Variants in TENM3 observed in about 807,000 individuals in gnomAD.
The protein encoded by TENM3 is teneurin transmembrane protein 3, also known as teneurin-3.
A neutral mutation model predicts 255.1 loss-of-function variants in TENM3; 63 were observed. The ratio of observed to expected loss-of-function variants is 0.25; its 90% CI spans 0.20 to 0.30. The LOEUF (loss-of-function observed/expected upper bound fraction) is 0.30. Among genes scored for constraint, TENM3 ranks in the 10% least tolerant of loss-of-function variants. TENM3 has a pLI of 1.00. For synonymous variants in TENM3, 1,306 were observed against 1,322.3 expected (o/e 0.99, Z 0.27); for missense variants, 2,929 against 3,461.1 (o/e 0.85, Z 3.86).
At chr4:182,454,249 ATTCT>A (rs531690482) in intron 3 of TENM3, among the ~76,000 whole-genome samples, 68 of 152,176 alleles carry the variant, frequency 4.5e-4, no homozygotes, top group Non-Finnish European at 8.1e-4. Context: ...GCTTTATCAT[ATTCT>A]TTCTTTTCGT....
intron 3 of TENM3, among the ~76,000 whole-genome samples, chr4:182,540,258 A>T (rs953303589): frequency 6.6e-6 from 1 of 152,192 alleles, no homozygotes; most frequent in African/African-American, 2.4e-5. Context: ...TAGAAAAACA[A>T]GAAATTGCTA....
chr4:181,716,149 T>A, the TENM3 span, among the ~76,000 whole-genome samples: 1 of 152,212 alleles, frequency 6.6e-6, no homozygotes, highest in African/African-American at 2.4e-5. Context: ...TATTCCGAAG[T>A]GGTTAAGAGT....
the TENM3 span, among the ~76,000 whole-genome samples, chr4:181,786,711 T>A: frequency 4.6e-5 from 7 of 151,474 alleles, no homozygotes; most frequent in East Asian, 9.7e-4. Context: ...TTTTTTTTTT[T>A]TCCTGGAAAG....
the TENM3 span, among the ~76,000 whole-genome samples, chr4:181,633,922 T>C: frequency 9.9e-4 from 151 of 152,300 alleles, 2 homozygotes; most frequent in Non-Finnish European, 6.3e-4. Context: ...ATTTTTTATT[T>C]AAGGTCATGC....
At chr4:181,743,784 G>C in the TENM3 span, among the ~76,000 whole-genome samples, 1 of 152,096 alleles carries the variant, frequency 6.6e-6, no homozygotes, top group Non-Finnish European at 1.5e-5. Context: ...ACTTTGAGGA[G>C]AGAGATGCCA....
the TENM3 span, among the ~76,000 whole-genome samples, chr4:182,024,473 T>A: frequency 1.4e-4 from 22 of 152,334 alleles, no homozygotes; most frequent in East Asian, 2.1e-3. Context: ...CTGTATTTTT[T>A]AAAAATGATT....
intron 4 of TENM3, among the ~76,000 whole-genome samples, chr4:182,601,873 A>C (rs908137879): frequency 6.6e-6 from 1 of 152,226 alleles, no homozygotes; most frequent in African/African-American, 2.4e-5. Context: ...TTCATACATG[A>C]TGGCCCATGA....
the TENM3 span, among the ~76,000 whole-genome samples, chr4:181,609,099 AG>A: frequency 2.6e-5 from 4 of 152,078 alleles, no homozygotes; most frequent in South Asian, 8.3e-4. Flanking sequence ...AAAGGAAGTA[AG>A]GGGAAAAAAA....
At chr4:181,678,750 T>C in the TENM3 span, among the ~76,000 whole-genome samples, 2 of 151,864 alleles carry the variant, frequency 1.3e-5, no homozygotes, top group Non-Finnish European at 2.9e-5. Context: ...ATTTGCTTAA[T>C]TTTCTTTATA....
At chr4:181,961,544 C>T in the TENM3 span, among the ~76,000 whole-genome samples, 6 of 152,082 alleles carry the variant, frequency 3.9e-5, no homozygotes, top group African/African-American at 1.2e-4. Context: ...CTCAGCCTCC[C>T]GAGTAGCTGG....
At chr4:181,552,902 C>A in the TENM3 span, among the ~76,000 whole-genome samples, 1 of 152,196 alleles carries the variant, frequency 6.6e-6, no homozygotes, top group South Asian at 2.1e-4. Flanking sequence ...TTAGGGAGTT[C>A]CATGTGTAAA....
At chr4:182,370,712 T>G (rs527408106) in intron 3 of TENM3, among the ~76,000 whole-genome samples, 1 of 152,334 alleles carries the variant, frequency 6.6e-6, no homozygotes, top group South Asian at 2.1e-4. Flanking sequence ...TACAGGCTCT[T>G]AAAACGCAAT....
At chr4:182,681,281 C>G (rs1282175047) in intron 10 of TENM3, among the ~76,000 whole-genome samples, 1 of 152,274 alleles carries the variant, frequency 6.6e-6, no homozygotes, top group Middle Eastern at 3.4e-3. Context: ...TCTGCACACA[C>G]AAAGTAATGC....
chr4:181,568,958 G>T, the TENM3 span, among the ~76,000 whole-genome samples: 1 of 152,320 alleles, frequency 6.6e-6, no homozygotes, highest in East Asian at 1.9e-4. Context: ...TATCCCAAAA[G>T]CCTAGAACAG....
Position 182,789,604 on chromosome 4 carries a change from T to G in TENM3, c.5601+215T>G, listed in dbSNP as rs539826547. ...AGTTAAGTTCTACTGTCTGAGACCC[T>G]TTTAAGTGATTTATGATGTAAACAA... On this transcript the variant is annotated intron_variant, in intron 25 of 27. Transcript: ENST00000511685. This position sits in a 1 kb window ranked among gnomAD's most constrained non-coding sequence, Gnocchi z 4.4. 6.6e-6 allele frequency among the ~76,000 whole-genome samples: 1 copy of G among 152,360 alleles called. No individual in the cohort carries two copies. Among genetic ancestry groups the G allele is most frequent in the African/African-American group, 2.4e-5 (1 of 41,576 alleles).
chr4:181,534,970 A>T, the TENM3 span, among the ~76,000 whole-genome samples: 1 of 152,176 alleles, frequency 6.6e-6, no homozygotes, highest in African/African-American at 2.4e-5. Flanking sequence ...CTTTCTGCAC[A>T]GCCATAGCTC....
At chr4:181,862,721 A>G in the TENM3 span, among the ~76,000 whole-genome samples, 2 of 152,186 alleles carry the variant, frequency 1.3e-5, no homozygotes, top group African/African-American at 2.4e-5. Flanking sequence ...ATTATATATG[A>G]CATTGTATTA....
chr4:181,604,251 C>T, the TENM3 span, among the ~76,000 whole-genome samples: 3,128 of 151,942 alleles, frequency 0.021, 121 homozygotes, highest in African/African-American at 0.072. Context: ...GGCGACAGAG[C>T]GAGACTCCGT....
In TENM3 at chr4:182,493,216, G is replaced by C. The variant is rs569418453; in HGVS notation, c.512-107708G>C. Among the ~76,000 whole-genome samples, 155 of 152,220 alleles carry C rather than the reference G, an allele frequency of 1.0e-3. 1 individual carries two copies. In the South Asian group the frequency reaches 0.022, roughly 21 times the overall value. On this transcript the variant is annotated intron_variant, in intron 3 of 27. Transcript: ENST00000511685. The stretch of plus-strand genomic sequence containing the variant: ...TAAGTGTTTTTGAAGCACATGTGTT[G>C]CATGTGTGGAGCAGGCCACAGTGCA...
Sources: allele counts gnomAD v4.1 joint callset (sites outside exome capture counted in the v4.1 genomes callset), GRCh38; gene constraint gnomAD v4.1.1; non-coding constraint Gnocchi (gnomAD v3.1); transcripts MANE v1.5; gene names NCBI Gene and HGNC (gene_info 2026-07-23, HGNC 2026-07-21).